VAMP3: variants seen among roughly 807,000 people sequenced by gnomAD.
The protein encoded by VAMP3 is vesicle-associated membrane protein 3.
A neutral mutation model predicts 18.1 loss-of-function variants in VAMP3; 11 were observed. The ratio of observed to expected loss-of-function variants is 0.61; its 90% CI spans 0.38 to 1.00. VAMP3 has a LOEUF of 1.00. Ranked by LOEUF, VAMP3 falls within the 50% of genes least tolerant of loss-of-function variation. The pLI is 0.01. For synonymous variants in VAMP3, 49 were observed against 43.1 expected (o/e 1.14, Z -0.53); for missense variants, 122 against 127.3 (o/e 0.96, Z 0.20).
chr1:7,774,858 A>G (rs1458941241), intron 2 of VAMP3, among the ~76,000 whole-genome samples: 1 of 152,250 alleles, frequency 6.6e-6, no homozygotes, highest in Non-Finnish European at 1.5e-5. Flanking sequence ...TAATGCTGTT[A>G]TAAATATTCA....
At chr1:7,779,543 A>G in intron 4 of VAMP3, 83 bp from the exon 5 acceptor site, 1 of 1,584,680 alleles carries the variant, frequency 6.3e-7, no homozygotes, top group South Asian at 1.1e-5. Context: ...TTTAGACTGC[A>G]GCATTGGATG....
chr1:7,777,187 G>T lies in VAMP3; in HGVS notation c.100G>T (p.Asp34Tyr). The part of the protein sequence containing the change: ...EVVDIMRVNV[D>Y]KVLERDQKLS... ...GGTGGACATAATGCGAGTTAACGTG[G>T]ACAAGGTTCTGGAAAGAGACCAGAA... The change falls in exon 3 of 5, where the codon GAC (aspartate) becomes TAC (tyrosine). Residue 34 changes from aspartate to tyrosine, a missense_variant. Transcript: ENST00000054666. 1 of 1,613,244 alleles carries T rather than the reference G, an allele frequency of 6.2e-7. No homozygotes were observed. The highest frequency in any genetic ancestry group is 8.5e-7 in the Non-Finnish European group (1 of 1,179,612).
intron 1 of VAMP3, chr1:7,773,011 T>C (rs1388816816): frequency 1.3e-5 from 2 of 154,922 alleles, no homozygotes; most frequent in Non-Finnish European, 2.9e-5. Flanking sequence ...TTCTGTAAAT[T>C]AATCTATTTT....
chr1:7,773,201 A>G (rs191080516), intron 1 of VAMP3: 7 of 499,446 alleles, frequency 1.4e-5, no homozygotes, highest in Non-Finnish European at 2.5e-5. Flanking sequence ...GATACAAAGT[A>G]GGTCCTATTA....
At chr1:7,777,904 G>A (rs2097055100) in intron 3 of VAMP3, among the ~76,000 whole-genome samples, 1 of 152,132 alleles carries the variant, frequency 6.6e-6, no homozygotes, top group Non-Finnish European at 1.5e-5. Flanking sequence ...CTAGCTAGAG[G>A]CCACACATCA....
At chr1:7,775,008 A>G (rs2097053548) in intron 2 of VAMP3, among the ~76,000 whole-genome samples, 1 of 152,110 alleles carries the variant, frequency 6.6e-6, no homozygotes, top group African/African-American at 2.4e-5. Flanking sequence ...GCACCATTTT[A>G]TTTTCCCACC....
Position 7,779,643 on chromosome 1 carries a change from T to C in VAMP3, c.301T>C (p.Ter101ArgextTer40). ...IIIIVWVVSS[*>R] ...CTTCTTAGTGTGGGTTGTCTCTTCATGAAGAACCAGCGGAACTCAAAACTG... is the reference window on the plus strand; with the variant it reads ...CTTCTTAGTGTGGGTTGTCTCTTCACGAAGAACCAGCGGAACTCAAAACTG... Residue 101 changes from the stop codon to arginine, a stop_lost, in exon 5 of 5, where the codon TGA becomes CGA. Transcript: ENST00000054666. 1.2e-6 allele frequency: 2 copies of C among 1,614,194 alleles called. No homozygotes were observed. Among genetic ancestry groups the C allele is most frequent in the East Asian group, 2.2e-5 (1 of 44,882 alleles).
chr1:7,778,426 C>T (rs2097055433), intron 4 of VAMP3, among the ~76,000 whole-genome samples: 1 of 151,936 alleles, frequency 6.6e-6, no homozygotes, highest in Non-Finnish European at 1.5e-5. Context: ...CCCAGCTACT[C>T]AGGAGGCTGA....
At chr1:7,778,225 C>T (rs770912839) in intron 4 of VAMP3, 56 bp downstream of exon 4, 180 of 1,587,878 alleles carry the variant, frequency 1.1e-4, no homozygotes, top group Non-Finnish European at 1.5e-4. Context: ...GTTCACAGAC[C>T]ATTGATTTTG....
rs1307894936 is a variant in VAMP3, at chr1:7,771,424, G to T, written c.2+39G>T. ...CGCGACGCGGGCGGCTTCGGGCCCC[G>T]CAGGCGGCAGCTCGCGCTGGGACCG... On this transcript the variant is annotated intron_variant, in intron 1 of 4. Transcript: ENST00000054666. 8.5e-6 allele frequency: 13 copies of T among 1,533,182 alleles called. No homozygotes were observed. In the African/African-American group the frequency reaches 1.7e-4, roughly 20 times the overall value. 95.0% of individuals were successfully genotyped at this position (1,533,182 alleles called of 1,614,324 possible). A position where few individuals can be genotyped will look rare whatever the true frequency, so the allele number is the denominator to read the frequency against.
chr1:7,775,098 C>G (rs997939164), intron 2 of VAMP3, among the ~76,000 whole-genome samples: 21 of 152,130 alleles, frequency 1.4e-4, no homozygotes, highest in African/African-American at 5.1e-4. Context: ...TCCTACTGAG[C>G]TCTTTGGGTT....
intron 2 of VAMP3, 93 bp downstream of exon 2, chr1:7,773,604 A>T: frequency 8.2e-7 from 1 of 1,219,548 alleles, no homozygotes; most frequent in Non-Finnish European, 1.2e-6. Flanking sequence ...GTGTGAATGT[A>T]AAGCAAATTC....
rs1315318820 is a variant in VAMP3, at chr1:7,771,372, G to A, written c.-12G>A. 22 of 1,592,826 alleles carry A rather than the reference G, an allele frequency of 1.4e-5. No homozygotes were observed. Among genetic ancestry groups the A allele is most frequent in the Non-Finnish European group, 1.8e-5 (21 of 1,173,090 alleles). The stretch of plus-strand genomic sequence containing the variant: ...CTCTCTCGTCGCCGCTGCCGCCGCC[G>A]CAGCTGCCAAAATGTGAGTGACGCT... On this transcript the variant is annotated 5_prime_UTR_variant, in exon 1 of 5. Transcript: ENST00000054666.
At position 7,779,454 on chromosome 1, in the gene VAMP3, T is replaced by C. The variant is rs113781847; in HGVS notation, c.284-172T>C. 5.3e-5 allele frequency among the ~76,000 whole-genome samples: 8 copies of C among 152,310 alleles called. 1 individual carries two copies. Among genetic ancestry groups the C allele is most frequent in the African/African-American group, 1.9e-4 (8 of 41,570 alleles). On this transcript the variant is annotated intron_variant, in intron 4 of 4. Coordinates refer to ENST00000054666, the MANE Select transcript of VAMP3 (RefSeq NM_004781.4). ...ACAGTTACTTGGATCCTTTTGACTC[T>C]AGTCTCCTTCCTCTAGCCCTCTATA... is the stretch of plus-strand genomic sequence containing the variant.
chr1:7,779,674 C>T lies in VAMP3; in HGVS notation c.*29C>T. 1 of 1,614,020 alleles carries T rather than the reference C, an allele frequency of 6.2e-7. No homozygotes were observed. Among genetic ancestry groups the T allele is most frequent in the Non-Finnish European group, 8.5e-7 (1 of 1,179,950 alleles). On this transcript the variant is annotated 3_prime_UTR_variant, in exon 5 of 5. Transcript: ENST00000054666. ...ACCAGCGGAACTCAAAACTGCTGTT[C>T]AAGAAACCTCTTCAAGACTTTTGAC...
intron 2 of VAMP3, among the ~76,000 whole-genome samples, chr1:7,775,281 A>G (rs936917672): frequency 1.3e-5 from 2 of 152,124 alleles, no homozygotes; most frequent in Middle Eastern, 3.2e-3. Flanking sequence ...TCTTTATCAG[A>G]CATGTGATTT....
chr1:7,779,281 T>C (rs954245726), intron 4 of VAMP3, among the ~76,000 whole-genome samples: 2 of 152,100 alleles, frequency 1.3e-5, no homozygotes, highest in African/African-American at 2.4e-5. Flanking sequence ...ATAAATAATA[T>C]ATATGTATAC....
chr1:7,779,816 T>C lies in VAMP3; in HGVS notation c.*171T>C, dbSNP rs551557461. 2.5e-6 allele frequency: 2 copies of C among 795,262 alleles called. No homozygotes were observed. The highest frequency in any genetic ancestry group is 5.2e-5 in the Admixed American group (2 of 38,372). 49.3% of individuals were successfully genotyped at this position (795,262 alleles called of 1,614,324 possible). ...TTGTTTTTTAATATGCACTCCAAAT[T>C]AGAAGGCCGGCCCCGTCCACATTTT... On this transcript the variant is annotated 3_prime_UTR_variant, in exon 5 of 5. Coordinates refer to ENST00000054666, the MANE Select transcript of VAMP3 (RefSeq NM_004781.4).
intron 1 of VAMP3, 41 bp downstream of exon 1, chr1:7,771,426 A>G: frequency 6.5e-7 from 1 of 1,533,548 alleles, no homozygotes; most frequent in South Asian, 1.2e-5. Context: ...CGGGCCCCGC[A>G]GGCGGCAGCT....
Sources: allele counts gnomAD v4.1 joint callset (sites outside exome capture counted in the v4.1 genomes callset), GRCh38; gene constraint gnomAD v4.1.1; transcripts MANE v1.5; gene names NCBI Gene and HGNC (gene_info 2026-07-23, HGNC 2026-07-21).